The following EHMT1 variants were observed in gnomAD, a reference collection of about 807,000 sequenced individuals.
EHMT1 encodes the protein histone-lysine N-methyltransferase EHMT1.
EHMT1 carries 15 observed loss-of-function variants against 147.2 expected under a neutral mutation model. The observed-to-expected ratio is 0.10, with a 90% CI of 0.07 to 0.16. EHMT1 has a LOEUF of 0.16. EHMT1 is among the 10% of genes least tolerant of loss of function. The pLI, the probability that EHMT1 is intolerant of heterozygous loss-of-function variation, is 1.00. For missense variants in EHMT1, 1,587 were observed against 1,772.4 expected (o/e 0.90, Z 1.88); for synonymous variants, 795 against 709.6 (o/e 1.12, Z -1.91).
chr9:137,763,200 G>A (rs1266794299), intron 10 of EHMT1: 5 of 408,270 alleles, frequency 1.2e-5, no homozygotes, highest in African/African-American at 4.1e-5. Flanking sequence ...TTCCTGCAGG[G>A]CAGGCCCCGC....
chr9:137,632,025 C>T (rs149857374), intron 1 of EHMT1, among the ~76,000 whole-genome samples: 2 of 152,290 alleles, frequency 1.3e-5, no homozygotes, highest in South Asian at 2.1e-4. Context: ...TGCAGTAACG[C>T]GCTGTGCAGG....
At chr9:137,623,362 A>C (rs1192418744) in intron 1 of EHMT1, among the ~76,000 whole-genome samples, 1 of 151,892 alleles carries the variant, frequency 6.6e-6, no homozygotes, top group Non-Finnish European at 1.5e-5. Flanking sequence ...TTAGCTAGCC[A>C]GGAAGGTGTG....
chr9:137,684,258 C>G (rs1028729845), intron 1 of EHMT1, among the ~76,000 whole-genome samples: 3 of 152,132 alleles, frequency 2.0e-5, no homozygotes, highest in Admixed American at 1.3e-4. Context: ...GTCTCAAACT[C>G]CTGGACTCAA....
At chr9:137,642,461 G>C (rs1272397573) in intron 1 of EHMT1, among the ~76,000 whole-genome samples, 1 of 151,204 alleles carries the variant, frequency 6.6e-6, no homozygotes, top group African/African-American at 2.5e-5. Context: ...GTACCACAAC[G>C]CCTGACTCAT....
At chr9:137,727,470 T>C (rs1009414404) in intron 3 of EHMT1, among the ~76,000 whole-genome samples, 1 of 152,236 alleles carries the variant, frequency 6.6e-6, no homozygotes, top group Non-Finnish European at 1.5e-5. Flanking sequence ...TTTTTTTATA[T>C]GGTTTAGAAA....
chr9:137,822,556 G>A (rs1344105070), intron 25 of EHMT1, among the ~76,000 whole-genome samples: 7 of 152,060 alleles, frequency 4.6e-5, no homozygotes, highest in Non-Finnish European at 1.0e-4. Flanking sequence ...CTTTTCATAT[G>A]TGTGTTGCCA....
Position 137,811,506 on chromosome 9 carries a change from G to A in EHMT1, c.2758G>A (p.Asp920Asn). ...CTGGGCGGCGTTCTCCGGCTGCGTG[G>A]ACATAGCCGAGATCCTGCTGGCTGC... ...LHWAAFSGCV[D>N]IAEILLAAKC... Residue 920 changes from aspartate to asparagine, a missense_variant, in exon 19 of 27, where the codon GAC becomes AAC. Physicochemically the swap from Asp to Asn is conservative, Grantham distance 23 (BLOSUM62 1). Transcript: ENST00000460843. The A allele has an allele frequency of 6.2e-7, 1 of 1,611,998 alleles. No individual in the cohort carries two copies. Among genetic ancestry groups the A allele is most frequent in the Non-Finnish European group, 8.5e-7 (1 of 1,179,994 alleles).
intron 6 of EHMT1, among the ~76,000 whole-genome samples, chr9:137,750,491 T>G (rs1948880639): frequency 6.6e-6 from 1 of 152,202 alleles, no homozygotes; most frequent in South Asian, 2.1e-4. Context: ...AAAAAGAGTG[T>G]TCCTTGTTAA....
intron 18 of EHMT1, among the ~76,000 whole-genome samples, chr9:137,808,580 A>C (rs1954145663): frequency 6.6e-6 from 1 of 150,410 alleles, no homozygotes; most frequent in Non-Finnish European, 1.5e-5. Flanking sequence ...GTCGTAACTC[A>C]GCCAACTTCA....
chr9:137,797,767 C>T (rs766890018), intron 16 of EHMT1, among the ~76,000 whole-genome samples: 16 of 151,940 alleles, frequency 1.1e-4, no homozygotes, highest in East Asian at 1.9e-4. Flanking sequence ...CGGACTCCAC[C>T]GAGATAAGGG....
At chr9:137,669,435 C>T (rs1940212775) in intron 1 of EHMT1, among the ~76,000 whole-genome samples, 2 of 1,806 alleles carry the variant, frequency 1.1e-3, no homozygotes, top group Non-Finnish European at 2.4e-3. Flanking sequence ...CCCAAGACGC[C>T]GCCCACAGCA....
chr9:137,673,062 T>G (rs1035576137), intron 1 of EHMT1, among the ~76,000 whole-genome samples: 3 of 152,196 alleles, frequency 2.0e-5, no homozygotes, highest in African/African-American at 7.2e-5. Flanking sequence ...AGAACCAGTT[T>G]TATATGGGTT....
At chr9:137,753,157 G>A (rs138501910) in intron 7 of EHMT1, among the ~76,000 whole-genome samples, 29 of 152,122 alleles carry the variant, frequency 1.9e-4, no homozygotes, top group Non-Finnish European at 3.8e-4. Context: ...CTGTGCCGTG[G>A]GGGGAAAGCT....
At chr9:137,640,012 G>A (rs1844368890) in intron 1 of EHMT1, among the ~76,000 whole-genome samples, 1 of 152,136 alleles carries the variant, frequency 6.6e-6, no homozygotes, top group African/African-American at 2.4e-5. Context: ...TTGGCTCACC[G>A]TAACCTCTGC....
At chr9:137,725,286 G>A (rs909413357) in intron 3 of EHMT1, among the ~76,000 whole-genome samples, 6 of 151,490 alleles carry the variant, frequency 4.0e-5, no homozygotes, top group South Asian at 2.1e-4. Context: ...TTGGGCAGAC[G>A]TGTGGCCTTC....
intron 1 of EHMT1, among the ~76,000 whole-genome samples, chr9:137,687,673 C>T (rs769779907): frequency 6.6e-5 from 10 of 152,170 alleles, no homozygotes; most frequent in East Asian, 1.9e-4. Context: ...CTACCCGTCA[C>T]GCGAGGACAC....
intron 3 of EHMT1, among the ~76,000 whole-genome samples, chr9:137,727,571 T>C (rs1946747059): frequency 6.6e-6 from 1 of 152,192 alleles, no homozygotes; most frequent in Non-Finnish European, 1.5e-5. Flanking sequence ...CTTTTTACTG[T>C]GTATTTTTAC....
chr9:137,741,632 A>G (rs1483572667), intron 4 of EHMT1, among the ~76,000 whole-genome samples: 4 of 152,250 alleles, frequency 2.6e-5, no homozygotes, highest in African/African-American at 9.6e-5. Flanking sequence ...ACCCTTGGGT[A>G]TATGCAGAGA....
chr9:137,755,527 G>A (rs1233440450), intron 8 of EHMT1, among the ~76,000 whole-genome samples: 1 of 152,192 alleles, frequency 6.6e-6, no homozygotes, highest in Admixed American at 6.5e-5. Flanking sequence ...AAATTAAGTG[G>A]CCGTGAACAT....
Sources: allele counts gnomAD v4.1 joint callset (sites outside exome capture counted in the v4.1 genomes callset), GRCh38; gene constraint gnomAD v4.1.1; transcripts MANE v1.5; gene names NCBI Gene and HGNC (gene_info 2026-07-23, HGNC 2026-07-21).